Variants in SPATA7 observed in about 807,000 individuals in gnomAD.
The protein encoded by SPATA7 is spermatogenesis associated 7.
SPATA7 carries 43 observed loss-of-function variants against 51.8 expected under a neutral mutation model. The observed-to-expected ratio is 0.83, with a 90% CI of 0.65 to 1.07. SPATA7 has a LOEUF of 1.07. SPATA7 is among the 50% of genes least tolerant of loss of function. SPATA7 has a pLI of 0.00. For synonymous variants in SPATA7, 230 were observed against 252.8 expected (o/e 0.91, Z 0.86); for missense variants, 683 against 701.3 (o/e 0.97, Z 0.30).
intron 5 of SPATA7, among the ~76,000 whole-genome samples, chr14:88,417,898 C>T (rs894750083): frequency 6.6e-6 from 1 of 151,968 alleles, no homozygotes; most frequent in Non-Finnish European, 1.5e-5. Flanking sequence ...TTATTTGTTC[C>T]TTAAATTTGG....
chr14:88,423,127 G>GAA (rs1207079846), intron 5 of SPATA7, among the ~76,000 whole-genome samples: 1 of 152,058 alleles, frequency 6.6e-6, no homozygotes, highest in Non-Finnish European at 1.5e-5. Flanking sequence ...TGTAACTCTT[G>GAA]AGTCATTCAC....
chr14:88,449,438 G>A (rs1292468975), intron 3 of SPATA7, among the ~76,000 whole-genome samples: 4 of 152,128 alleles, frequency 2.6e-5, no homozygotes, highest in South Asian at 2.1e-4. Flanking sequence ...GTCTGTGAGA[G>A]TACTTGATAA....
At position 88,469,665 on chromosome 14, in the gene SPATA7, A is replaced by G. The variant is rs755978194; in HGVS notation, c.255-182A>G. On this transcript the variant is annotated intron_variant, in intron 4 of 4. Transcript: ENST00000556406. The surrounding 1 kb of genome is among the most constrained non-coding windows in gnomAD (Gnocchi z 4.3). ...ACCGGGTCGTGATCTTAAACCTTCCATAGGTGACAGTGTTGTGCCTGGAAC... is the reference window on the plus strand; with the variant it reads ...ACCGGGTCGTGATCTTAAACCTTCCGTAGGTGACAGTGTTGTGCCTGGAAC... 1 of 1,614,138 alleles carries G rather than the reference A, an allele frequency of 6.2e-7. No homozygotes were observed. The highest frequency in any genetic ancestry group is 1.1e-5 in the South Asian group (1 of 91,080).
chr14:88,445,412 A>G (rs2077204778), intron 3 of SPATA7, among the ~76,000 whole-genome samples: 3 of 152,266 alleles, frequency 2.0e-5, no homozygotes, highest in South Asian at 4.1e-4. Context: ...TTCTAGATAT[A>G]CAATCATGTC....
At chr14:88,452,818 T>A (rs543863885) in intron 3 of SPATA7, among the ~76,000 whole-genome samples, 1 of 152,186 alleles carries the variant, frequency 6.6e-6, no homozygotes, top group Non-Finnish European at 1.5e-5. Flanking sequence ...ACCTTTGGCA[T>A]TTTCTATGTT....
At chr14:88,444,722 C>A (rs2077199763) in intron 3 of SPATA7, among the ~76,000 whole-genome samples, 1 of 152,162 alleles carries the variant, frequency 6.6e-6, no homozygotes, top group South Asian at 2.1e-4. Flanking sequence ...GTTTTCCCAG[C>A]ACCATTTATT....
At position 88,393,419 on chromosome 14, in the gene SPATA7, A is replaced by G. The variant is rs369484106; in HGVS notation, c.121A>G (p.Arg41Gly). The change falls in exon 3 of 12, where the codon AGA becomes GGA. Residue 41 changes from arginine (R) to glycine (G), a missense_variant. Coordinates refer to ENST00000393545, the MANE Select transcript of SPATA7 (RefSeq NM_018418.5). ...NAFCTDSSSLRLSTLQLVKNH... is the reference protein window; with the variant it reads ...NAFCTDSSSLGLSTLQLVKNH... ...TTTTTGCACTGACTCCTCTTCTCTC[A>G]GACTAAGCACTCTCCAGCTGGTCAA... 3.1e-6 allele frequency: 5 copies of G among 1,603,010 alleles called. No individual in the cohort carries two copies. The highest frequency in any genetic ancestry group is 4.3e-6 in the Non-Finnish European group (5 of 1,173,734).
At chr14:88,389,682 T>C (rs1488081445) in intron 1 of SPATA7, among the ~76,000 whole-genome samples, 2 of 152,220 alleles carry the variant, frequency 1.3e-5, no homozygotes, top group Non-Finnish European at 2.9e-5. Context: ...GATTGATTCC[T>C]GGGGCCAAAT....
At chr14:88,414,766 G>T (rs924068005) in intron 4 of SPATA7, 3 of 303,392 alleles carry the variant, frequency 9.9e-6, no homozygotes, top group Non-Finnish European at 1.9e-5. Context: ...TTATTTCAAA[G>T]AGTTTTTTTG....
At chr14:88,433,886 C>G (rs1299697226) in intron 10 of SPATA7, among the ~76,000 whole-genome samples, 1 of 152,002 alleles carries the variant, frequency 6.6e-6, no homozygotes, top group Admixed American at 6.6e-5. Context: ...AAAATTAAAG[C>G]AAACATTTTC....
intron 4 of SPATA7, among the ~76,000 whole-genome samples, chr14:88,405,527 A>C (rs1712138929): frequency 6.6e-6 from 1 of 152,184 alleles, no homozygotes; most frequent in African/African-American, 2.4e-5. Context: ...TTCTGGAAAC[A>C]TTTCAAATGT....
intron 4 of SPATA7, among the ~76,000 whole-genome samples, chr14:88,462,173 T>TA (rs935702834): frequency 7.2e-5 from 11 of 152,242 alleles, no homozygotes; most frequent in African/African-American, 9.6e-5. Context: ...AAGTGATTTC[T>TA]AATAAACTTC....
rs552427430 is a variant in SPATA7 at position 88,437,517 on chromosome 14, T to G, written c.1161-26T>G. The G allele has an allele frequency of 8.5e-5, 132 of 1,551,368 alleles. 1 individual carries two copies. In the South Asian group the frequency reaches 1.4e-3, roughly 17 times the overall value. ...TAGATGATTTTCTGATTTTGAGACA[T>G]TAACATTTTTGTTTATCATTTGTAG... On this transcript the variant is annotated intron_variant, in intron 10 of 11. Transcript: ENST00000393545.
At chr14:88,443,861 A>G (rs2077194717) in intron 3 of SPATA7, among the ~76,000 whole-genome samples, 1 of 152,038 alleles carries the variant, frequency 6.6e-6, no homozygotes. Context: ...TATGTGCCAC[A>G]TTTTCTTAAT....
At chr14:88,424,762 C>T (rs1188963636) in intron 5 of SPATA7, among the ~76,000 whole-genome samples, 4 of 152,088 alleles carry the variant, frequency 2.6e-5, no homozygotes, top group Admixed American at 6.5e-5. Context: ...ACCCTAGTGA[C>T]TCAAAATTTA....
intron 5 of SPATA7, among the ~76,000 whole-genome samples, chr14:88,418,836 C>T (rs1464022580): frequency 6.6e-6 from 1 of 152,160 alleles, no homozygotes; most frequent in Non-Finnish European, 1.5e-5. Flanking sequence ...TTCTTAATCT[C>T]TGTATCTGCT....
downstream of SPATA7, among the ~76,000 whole-genome samples, chr14:88,442,991 G>T (rs1387844033): frequency 1.9e-4 from 28 of 149,250 alleles, no homozygotes; most frequent in African/African-American, 5.9e-4. Flanking sequence ...ACCTAGGCTG[G>T]AGTGCAGTGG....
rs2077429128 is a variant in SPATA7, at chr14:88,469,782, C to T, written c.255-65C>T. On this transcript the variant is annotated intron_variant, in intron 4 of 4. Coordinates refer to the SPATA7 transcript ENST00000556406. The surrounding 1 kb of genome is among the most constrained non-coding windows in gnomAD (Gnocchi z 4.3). ...ATGACTCGAGATCCGGCAATGGATG[C>T]CTTTCTCACATAGACGGCACATCTG... The T allele has an allele frequency of 6.2e-7, 1 of 1,602,536 alleles. No homozygotes were observed. Among genetic ancestry groups the T allele is most frequent in the African/African-American group, 1.3e-5 (1 of 74,642 alleles).
chr14:88,468,381 A>T, intron 4 of SPATA7: 1 of 1,011,618 alleles, frequency 9.9e-7, no homozygotes, highest in Non-Finnish European at 1.4e-6. Flanking sequence ...TCTCTTTTCC[A>T]CCTTAGCGTC....
Sources: allele counts gnomAD v4.1 joint callset (sites outside exome capture counted in the v4.1 genomes callset), GRCh38; gene constraint gnomAD v4.1.1; non-coding constraint Gnocchi (gnomAD v3.1); transcripts MANE v1.5; gene names NCBI Gene and HGNC (gene_info 2026-07-23, HGNC 2026-07-21).